Variants in MAPK8IP3 observed in about 807,000 individuals in gnomAD.
MAPK8IP3 encodes mitogen-activated protein kinase 8 interacting protein 3.
In MAPK8IP3, 49 loss-of-function variants were observed where a neutral mutation model predicts 157.8. That is an observed-to-expected ratio of 0.31 (90% CI 0.25 to 0.39). The LOEUF is 0.39. Among genes scored for constraint, MAPK8IP3 ranks in the 10% least tolerant of loss-of-function variants. The pLI is 1.00. For missense variants in MAPK8IP3, 1,478 were observed against 1,889.4 expected (o/e 0.78, Z 4.04); for synonymous variants, 897 against 777.7 (o/e 1.15, Z -2.55).
chr16:1,749,464 G>A (rs761434793), intron 8 of MAPK8IP3, among the ~76,000 whole-genome samples: 7 of 152,194 alleles, frequency 4.6e-5, no homozygotes, highest in African/African-American at 1.2e-4. Context: ...CCACTCCTCC[G>A]CAGACAGCCC....
chr16:1,706,733 G>GGGGACCCCCTT lies in MAPK8IP3; in HGVS notation c.318+76_318+77insGGGACCCCCTT. The GGGGACCCCCTT allele has an allele frequency of 5.2e-6, 7 of 1,354,720 alleles. No individual in the cohort carries two copies. The highest frequency in any genetic ancestry group is 6.7e-6 in the Non-Finnish European group (7 of 1,050,762). The allele number at this position is 1,354,720 out of a possible 1,614,324, so 83.9% of individuals were successfully genotyped here. A position where few individuals can be genotyped will look rare whatever the true frequency, so the allele number is the denominator to read the frequency against. On this transcript the variant is annotated intron_variant, in intron 1 of 31. Transcript: ENST00000610761. The surrounding 1 kb of genome is among the most constrained non-coding windows in gnomAD (Gnocchi z 5.1). Reference sequence around the variant, plus strand: ...GCCCCGGGCCCCGGACCCAACACCCGTCCCGACCCCAGACCCCGCTCCGGC... The same window carrying GGGGACCCCCTT: ...GCCCCGGGCCCCGGACCCAACACCCGGGGACCCCCTTTCCCGACCCCAGACCCCGCTCCGGC...
intron 4 of MAPK8IP3, among the ~76,000 whole-genome samples, chr16:1,734,386 C>T (rs1035631837): frequency 1.3e-5 from 2 of 152,224 alleles, no homozygotes; most frequent in African/African-American, 4.8e-5. Flanking sequence ...CCTGCTGTTG[C>T]GGTGGTGGCA....
intron 17 of MAPK8IP3, 150 bp from the exon 18 acceptor site, chr16:1,763,965 G>A (rs2042105023): frequency 1.9e-6 from 2 of 1,068,252 alleles, no homozygotes; most frequent in South Asian, 1.7e-5. Context: ...GAGGGTCGGA[G>A]AAGGAGCCCC....
chr16:1,727,476 A>G (rs2038964763), intron 2 of MAPK8IP3, among the ~76,000 whole-genome samples: 1 of 151,620 alleles, frequency 6.6e-6, no homozygotes, highest in South Asian at 2.1e-4. Flanking sequence ...GTGTCTGTAC[A>G]TCGTGTGTCA....
At chr16:1,735,637 C>T (rs2039671363) in intron 4 of MAPK8IP3, among the ~76,000 whole-genome samples, 1 of 128,948 alleles carries the variant, frequency 7.8e-6, no homozygotes, top group African/African-American at 3.1e-5. Flanking sequence ...GTGTGACTGT[C>T]CATGTGAGTG....
chr16:1,757,643 G>A (rs1199704374), intron 8 of MAPK8IP3, among the ~76,000 whole-genome samples: 1 of 152,178 alleles, frequency 6.6e-6, no homozygotes, highest in Non-Finnish European at 1.5e-5. Context: ...TGCTCCCATT[G>A]TGACTTCAGT....
intron 4 of MAPK8IP3, among the ~76,000 whole-genome samples, chr16:1,739,313 TGTGTGACCATCCGTGTGAGA>T (rs1411388638): frequency 4.8e-5 from 6 of 125,894 alleles, no homozygotes; most frequent in African/African-American, 1.5e-4. Context: ...TCCGTGTGAG[TGTGTGACCATCCGTGTGAGA>T]GTGTGACCAT....
intron 4 of MAPK8IP3, among the ~76,000 whole-genome samples, chr16:1,736,245 C>T (rs1196859527): frequency 2.6e-5 from 2 of 76,000 alleles, no homozygotes; most frequent in African/African-American, 5.3e-5. Context: ...TCCGTGTGAG[C>T]GTGTGACTGT....
intron 1 of MAPK8IP3, among the ~76,000 whole-genome samples, chr16:1,720,334 C>T (rs1163879258): frequency 6.6e-6 from 1 of 152,192 alleles, no homozygotes; most frequent in Non-Finnish European, 1.5e-5. Flanking sequence ...CCGTGCCCGG[C>T]CAGCTTTTTA....
At chr16:1,715,954 T>C (rs1410613715) in intron 1 of MAPK8IP3, among the ~76,000 whole-genome samples, 1 of 152,122 alleles carries the variant, frequency 6.6e-6, no homozygotes, top group Admixed American at 6.5e-5. Flanking sequence ...CTTGAACTCC[T>C]GACCTCACGT....
intron 1 of MAPK8IP3, among the ~76,000 whole-genome samples, chr16:1,720,538 G>C (rs1230331618): frequency 6.6e-6 from 1 of 152,080 alleles, no homozygotes; most frequent in African/African-American, 2.4e-5. Context: ...CTGTGTACAA[G>C]ATGATCGTAC....
intron 4 of MAPK8IP3, among the ~76,000 whole-genome samples, chr16:1,735,823 C>T (rs1483687574): frequency 7.9e-6 from 1 of 125,838 alleles, no homozygotes; most frequent in African/African-American, 3.1e-5. Flanking sequence ...ATCCGTGTGA[C>T]CGTCCGTGTG....
rs531143871 is a variant in MAPK8IP3 at position 1,744,783 on chromosome 16, G to A, written c.747+1307G>A. 4.6e-5 allele frequency: 45 copies of A among 985,478 alleles called. No individual in the cohort carries two copies. The South Asian group carries it at 1.2e-3, about 27-fold the overall frequency. 61.0% of individuals were successfully genotyped at this position (985,478 alleles called of 1,614,324 possible). On this transcript the variant is annotated intron_variant, in intron 5 of 31. Transcript: ENST00000610761. The stretch of plus-strand genomic sequence containing the variant: ...TTCACCTCCTGCGTTGTCTGACATC[G>A]TCGCTCTCTTCATAAATTGTAGCGT...
intron 6 of MAPK8IP3, 119 bp from the exon 7 acceptor site, chr16:1,748,125 C>A (rs1032804947): frequency 2.8e-6 from 2 of 720,358 alleles, no homozygotes; most frequent in Non-Finnish European, 4.9e-6. Flanking sequence ...TCTGATCATC[C>A]CCACCTAGCA....
Position 1,767,621 on chromosome 16 carries a change from G to A in MAPK8IP3, c.3295G>A (p.Gly1099Ser). Residue 1099 changes from glycine to serine, a missense_variant, in exon 27 of 32, where the codon GGC becomes AGC. By Grantham distance (56) the Gly-to-Ser change is moderately conservative (BLOSUM62 0). Coordinates refer to ENST00000610761, the MANE Select transcript of MAPK8IP3 (RefSeq NM_001318852.2). ...CCAGGTGCGGCAGCTGGCGTGGATC[G>A]GCGATGGCGTATGGGTGTCCATCCG... Reference protein sequence around the residue: ...ESQVRQLAWIGDGVWVSIRLD... With the variant: ...ESQVRQLAWISDGVWVSIRLD... 6.8e-6 allele frequency: 11 copies of A among 1,612,562 alleles called. No individual in the cohort carries two copies. The highest frequency in any genetic ancestry group is 9.3e-6 in the Non-Finnish European group (11 of 1,179,966).
chr16:1,751,937 TTTGCCCTAA>T lies in MAPK8IP3; in HGVS notation c.1216+3219_1216+3227del, dbSNP rs767390275. 9 of 152,342 alleles carry T rather than the reference TTTGCCCTAA, an allele frequency of 5.9e-5. No homozygotes were observed. Among genetic ancestry groups the T allele is most frequent in the Non-Finnish European group, 1.2e-4 (8 of 68,124 alleles). 9.4% of individuals were successfully genotyped at this position (152,342 alleles called of 1,614,324 possible). A position where few individuals can be genotyped will look rare whatever the true frequency, so the allele number is the denominator to read the frequency against. On this transcript the variant is annotated intron_variant, in intron 8 of 31. Coordinates refer to ENST00000610761, the MANE Select transcript of MAPK8IP3 (RefSeq NM_001318852.2). This position sits in a 1 kb window ranked among gnomAD's most constrained non-coding sequence, Gnocchi z 5.0. ...GGACAGACCACGTTGTGCTCACCTGTTTGCCCTAATGGGCCCCTGCTTGGTGCTTTCCAC... is the reference window on the plus strand; with the variant it reads ...GGACAGACCACGTTGTGCTCACCTGTTGGGCCCCTGCTTGGTGCTTTCCAC...
chr16:1,748,531 A>G (rs1057063226), intron 7 of MAPK8IP3, 71 bp from the exon 8 acceptor site: 2 of 1,316,132 alleles, frequency 1.5e-6, no homozygotes, highest in Admixed American at 3.5e-5. Flanking sequence ...GTGTTGGAAG[A>G]GTCTGCAGAC....
intron 4 of MAPK8IP3, among the ~76,000 whole-genome samples, chr16:1,734,333 C>T (rs1017888187): frequency 1.3e-5 from 2 of 152,208 alleles, no homozygotes; most frequent in Admixed American, 1.3e-4. Flanking sequence ...CCCTGGCCGG[C>T]GGTGGTACTG....
intron 4 of MAPK8IP3, among the ~76,000 whole-genome samples, chr16:1,737,655 T>C (rs1258952612): frequency 5.1e-5 from 4 of 77,848 alleles, no homozygotes; most frequent in African/African-American, 1.1e-4. Context: ...TGACTGTCCG[T>C]GTGAGCGTCC....
Sources: allele counts gnomAD v4.1 joint callset (sites outside exome capture counted in the v4.1 genomes callset), GRCh38; gene constraint gnomAD v4.1.1; non-coding constraint Gnocchi (gnomAD v3.1); transcripts MANE v1.5; gene names NCBI Gene and HGNC (gene_info 2026-07-23, HGNC 2026-07-21).